Variants in KCNB2 observed in about 807,000 individuals in gnomAD.
KCNB2 encodes the protein potassium voltage-gated channel subfamily B member 2.
A neutral mutation model predicts 61.5 loss-of-function variants in KCNB2; 15 were observed. The ratio of observed to expected loss-of-function variants is 0.24; its 90% CI spans 0.16 to 0.38. The LOEUF (loss-of-function observed/expected upper bound fraction) is 0.38, where lower values mean the gene tolerates loss of function less well. Ranked by LOEUF, KCNB2 falls within the 10% of genes least tolerant of loss-of-function variation. The pLI is 1.00. For missense variants in KCNB2, 828 were observed against 1,125.2 expected, an observed-to-expected ratio of 0.74 and a Z score of 3.78; for synonymous variants, 457 against 446.0, an observed-to-expected ratio of 1.02 and a Z score of -0.31.
chr8:72,713,413 T>A (rs865834689), intron 2 of KCNB2, among the ~76,000 whole-genome samples: 4 of 152,190 alleles, frequency 2.6e-5, no homozygotes, highest in Non-Finnish European at 5.9e-5. Context: ...CACCCCCCAC[T>A]AGGGGCCAAC....
At chr8:72,552,045 G>A (rs944691726) in intron 1 of KCNB2, among the ~76,000 whole-genome samples, 3 of 152,092 alleles carry the variant, frequency 2.0e-5, no homozygotes, top group African/African-American at 4.8e-5. Context: ...AACCATGACC[G>A]TGCACTATTT....
rs556990262 is a variant in KCNB2, at chr8:72,790,670, A to G, written c.580-145265A>G. ...AACGGGTGGTTTTTTTTCTCCTACTACCTCTTATATTTCTAACAATATCCT... is the reference window on the plus strand; with the variant it reads ...AACGGGTGGTTTTTTTTCTCCTACTGCCTCTTATATTTCTAACAATATCCT... On this transcript the variant is annotated intron_variant, in intron 2 of 2. Coordinates refer to ENST00000523207, the MANE Select transcript of KCNB2 (RefSeq NM_004770.3). 2.6e-5 allele frequency among the ~76,000 whole-genome samples: 4 copies of G among 152,206 alleles called. No individual in the cohort carries two copies. The South Asian group carries it at 8.3e-4, about 32-fold the overall frequency.
chr8:72,900,468 A>G (rs935962068), intron 2 of KCNB2, among the ~76,000 whole-genome samples: 3 of 152,222 alleles, frequency 2.0e-5, no homozygotes, highest in African/African-American at 4.8e-5. Flanking sequence ...CCCAAAAGCA[A>G]TTGTGACATA....
At chr8:72,703,908 T>C (rs1393901250) in intron 2 of KCNB2, among the ~76,000 whole-genome samples, 1 of 152,210 alleles carries the variant, frequency 6.6e-6, no homozygotes, top group Non-Finnish European at 1.5e-5. Context: ...CATCATTCTA[T>C]TAATTTCACT....
intron 2 of KCNB2, among the ~76,000 whole-genome samples, chr8:72,797,296 T>C (rs1457339216): frequency 6.6e-6 from 1 of 152,234 alleles, no homozygotes; most frequent in Non-Finnish European, 1.5e-5. Context: ...ACGTACTATA[T>C]ACTAAAATGA....
chr8:72,611,435 A>G (rs949725460), intron 2 of KCNB2, among the ~76,000 whole-genome samples: 4 of 152,224 alleles, frequency 2.6e-5, no homozygotes, highest in African/African-American at 4.8e-5. Flanking sequence ...TTGTGACCCC[A>G]GCACACTAAA....
intron 2 of KCNB2, among the ~76,000 whole-genome samples, chr8:72,740,844 G>T (rs1807941758): frequency 6.6e-6 from 1 of 152,102 alleles, no homozygotes. Flanking sequence ...ATATTGACAG[G>T]TAGAGATTTG....
chr8:72,630,053 G>C (rs1805855968), intron 2 of KCNB2, among the ~76,000 whole-genome samples: 1 of 152,190 alleles, frequency 6.6e-6, no homozygotes, highest in African/African-American at 2.4e-5. Context: ...GGATATTACT[G>C]TTATAACCAG....
chr8:72,826,512 C>T (rs1161270291), intron 2 of KCNB2, among the ~76,000 whole-genome samples: 2 of 152,066 alleles, frequency 1.3e-5, no homozygotes, highest in Non-Finnish European at 2.9e-5. Context: ...CAGCTGTTCC[C>T]GTACCTCACG....
intron 2 of KCNB2, among the ~76,000 whole-genome samples, chr8:72,711,737 C>T (rs1302725343): frequency 7.7e-6 from 1 of 129,732 alleles, no homozygotes; most frequent in East Asian, 2.0e-4. Context: ...CGCCTGTAAT[C>T]CCAGCACTTT....
intron 2 of KCNB2, among the ~76,000 whole-genome samples, chr8:72,635,407 A>T (rs569325510): frequency 6.6e-6 from 1 of 152,288 alleles, no homozygotes; most frequent in South Asian, 2.1e-4. Context: ...TGGAGGAATT[A>T]TCTTCTCAGG....
intron 2 of KCNB2, chr8:72,874,845 A>G (rs1805677594): frequency 6.6e-6 from 1 of 152,264 alleles, no homozygotes; most frequent in Admixed American, 6.5e-5. Context: ...GTCTGCGACA[A>G]GGAAAAATCT....
chr8:72,539,726 A>G (rs987555471), intron 1 of KCNB2, among the ~76,000 whole-genome samples: 93 of 152,178 alleles, frequency 6.1e-4, no homozygotes, highest in African/African-American at 2.2e-3. Context: ...AATAGAATCA[A>G]TCCATGCATC....
chr8:72,722,532 C>T (rs576072251), intron 2 of KCNB2, among the ~76,000 whole-genome samples: 1 of 152,326 alleles, frequency 6.6e-6, no homozygotes, highest in Non-Finnish European at 1.5e-5. Flanking sequence ...GTCTAGCTAA[C>T]ACCTGTTATT....
At chr8:72,618,184 TA>T (rs397774049) in intron 2 of KCNB2, among the ~76,000 whole-genome samples, 58 of 147,402 alleles carry the variant, frequency 3.9e-4, no homozygotes, top group Non-Finnish European at 4.5e-4. Context: ...ACATGTGTGT[TA>T]AAAAAAAAAA....
At chr8:72,561,775 A>ATATATATATATT (rs1246585636) in intron 1 of KCNB2, among the ~76,000 whole-genome samples, 2 of 27,432 alleles carry the variant, frequency 7.3e-5, no homozygotes, top group Non-Finnish European at 6.4e-5. Context: ...ATATATATAT[A>ATATATATATATT]TGGATATATA....
intron 2 of KCNB2, among the ~76,000 whole-genome samples, chr8:72,913,668 G>T (rs551052858): frequency 6.4e-4 from 98 of 152,284 alleles, no homozygotes; most frequent in African/African-American, 2.3e-3. Flanking sequence ...GGAGCCAAGG[G>T]GCTGATCATT....
chr8:72,674,556 A>G (rs1341532448), intron 2 of KCNB2, among the ~76,000 whole-genome samples: 1 of 152,260 alleles, frequency 6.6e-6, no homozygotes, highest in African/African-American at 2.4e-5. Flanking sequence ...AAATAAAAAG[A>G]TGCCTTGTAA....
At chr8:72,711,594 G>A (rs1021028190) in intron 2 of KCNB2, among the ~76,000 whole-genome samples, 5 of 152,206 alleles carry the variant, frequency 3.3e-5, no homozygotes, top group Non-Finnish European at 5.9e-5. Flanking sequence ...CCTAGAGGAT[G>A]AATAGCCAGG....
Sources: gnomAD v4.1 joint callset for allele counts (sites outside exome capture counted in the v4.1 genomes callset) on GRCh38, gnomAD v4.1.1 for gene constraint, MANE v1.5 for transcripts, NCBI Gene and HGNC (gene_info 2026-07-23, HGNC 2026-07-21) for gene names.